The following CACNB4 variants were observed in gnomAD, a reference collection of about 807,000 sequenced individuals.
The protein encoded by CACNB4 is calcium voltage-gated channel auxiliary subunit beta 4.
CACNB4 carries 32 observed loss-of-function variants against 71.2 expected under a neutral mutation model. The observed-to-expected ratio is 0.45, with a 90% CI of 0.34 to 0.60. CACNB4 has a LOEUF of 0.60. Among genes scored for constraint, CACNB4 ranks in the 20% least tolerant of loss-of-function variants. The pLI, the probability that CACNB4 is intolerant of heterozygous loss-of-function variation, is 0.01. For missense variants in CACNB4, 464 were observed against 647.9 expected (o/e 0.72, Z 3.08); for synonymous variants, 231 against 236.9 (o/e 0.97, Z 0.23).
intron 2 of CACNB4, among the ~76,000 whole-genome samples, chr2:152,054,163 C>G (rs1685597771): frequency 6.6e-6 from 1 of 151,440 alleles, no homozygotes; most frequent in African/African-American, 2.4e-5. Context: ...GTCAGGAGAT[C>G]GAGACCATCC....
At chr2:151,857,253 C>A (rs1028023768) in intron 10 of CACNB4, 1 of 152,086 alleles carries the variant, frequency 6.6e-6, no homozygotes, top group African/African-American at 2.4e-5. Context: ...TCTTATTTCC[C>A]ATAGAATCAC....
intron 2 of CACNB4, among the ~76,000 whole-genome samples, chr2:151,946,030 A>T (rs954230601): frequency 2.8e-4 from 43 of 152,120 alleles, no homozygotes; most frequent in Admixed American, 6.5e-4. Context: ...TTATTATTAT[A>T]ATAAAATGCC....
At chr2:151,974,008 G>A (rs970579759) in intron 2 of CACNB4, 24 of 1,147,062 alleles carry the variant, frequency 2.1e-5, no homozygotes, top group African/African-American at 2.1e-4. Context: ...TGATTGGCTC[G>A]GCTTCCCTGC....
chr2:151,876,747 ATGTATATGTGTG>A (rs376504205), intron 4 of CACNB4, among the ~76,000 whole-genome samples, 191 bp from the exon 5 acceptor site: 168 of 143,160 alleles, frequency 1.2e-3, no homozygotes, highest in Middle Eastern at 3.6e-3. Flanking sequence ...TATATTTTAT[ATGTATATGTGTG>A]TATACTATAT....
intron 2 of CACNB4, among the ~76,000 whole-genome samples, chr2:151,889,738 G>C (rs1196624366): frequency 6.6e-6 from 1 of 152,116 alleles, no homozygotes; most frequent in Non-Finnish European, 1.5e-5. Context: ...TCTTGCAAAT[G>C]TGCTTCCTTT....
intron 2 of CACNB4, among the ~76,000 whole-genome samples, chr2:151,997,411 C>G (rs866668788): frequency 6.6e-6 from 1 of 152,024 alleles, no homozygotes; most frequent in Non-Finnish European, 1.5e-5. Context: ...GCGGGCGCCT[C>G]TAGTCCCAGC....
chr2:152,013,117 T>C (rs1444093644), intron 2 of CACNB4, among the ~76,000 whole-genome samples: 1 of 152,242 alleles, frequency 6.6e-6, no homozygotes, highest in African/African-American at 2.4e-5. Flanking sequence ...AGCAACAGGC[T>C]ATACCACATA....
intron 2 of CACNB4, among the ~76,000 whole-genome samples, chr2:151,957,257 C>CGTGTGTGTGTAT (rs2099868509): frequency 1.5e-5 from 2 of 131,788 alleles, no homozygotes; most frequent in African/African-American, 5.5e-5. Context: ...AGTGGCTGGG[C>CGTGTGTGTGTAT]GTGTGTGTGT....
At chr2:151,992,782 C>T (rs1333422160) in intron 2 of CACNB4, among the ~76,000 whole-genome samples, 1 of 152,200 alleles carries the variant, frequency 6.6e-6, no homozygotes, top group Non-Finnish European at 1.5e-5. Context: ...CCTAGAGAAA[C>T]TTGATGCTAT....
At chr2:151,989,784 T>C (rs1681588424) in intron 2 of CACNB4, among the ~76,000 whole-genome samples, 1 of 152,210 alleles carries the variant, frequency 6.6e-6, no homozygotes, top group Admixed American at 6.5e-5. Context: ...ACATGTGCAA[T>C]AGTGAACTCA....
chr2:151,911,584 T>G (rs1578756313), intron 2 of CACNB4, among the ~76,000 whole-genome samples: 2 of 152,214 alleles, frequency 1.3e-5, no homozygotes, highest in Admixed American at 6.5e-5. Context: ...TGCCAGTATT[T>G]TATTGAGGAT....
intron 2 of CACNB4, among the ~76,000 whole-genome samples, chr2:152,090,714 C>T (rs764525541): frequency 2.6e-5 from 4 of 151,224 alleles, no homozygotes; most frequent in Non-Finnish European, 5.9e-5. Context: ...TAAAATTGTA[C>T]CATTCTAAAA....
intron 2 of CACNB4, among the ~76,000 whole-genome samples, chr2:152,038,313 C>T (rs967848895): frequency 5.3e-5 from 8 of 152,174 alleles, no homozygotes; most frequent in Admixed American, 1.3e-4. Flanking sequence ...ACGCAACAGC[C>T]CTCCCCGGCC....
intron 2 of CACNB4, among the ~76,000 whole-genome samples, chr2:151,917,352 A>G (rs1160166020): frequency 6.6e-6 from 1 of 152,206 alleles, no homozygotes; most frequent in East Asian, 1.9e-4. Context: ...TAAGGAATAG[A>G]AAACAAACAC....
chr2:151,910,476 T>C (rs2099855914), intron 2 of CACNB4, among the ~76,000 whole-genome samples: 1 of 152,218 alleles, frequency 6.6e-6, no homozygotes, highest in Admixed American at 6.5e-5. Context: ...AGTTAATTTT[T>C]GTGTAAGGCA....
At chr2:151,870,956 C>G (rs1185640495) in intron 6 of CACNB4, 95 bp from the exon 7 acceptor site, 1 of 865,230 alleles carries the variant, frequency 1.2e-6, no homozygotes, top group African/African-American at 1.7e-5. Flanking sequence ...CCATTTGTCC[C>G]TGTAATTATC....
intron 6 of CACNB4, chr2:151,872,074 T>A: frequency 3.7e-6 from 1 of 270,784 alleles, no homozygotes; most frequent in South Asian, 3.6e-5. Flanking sequence ...AGAGTCTGCA[T>A]CATTTTTTTC....
intron 9 of CACNB4, chr2:151,868,138 C>A (rs930809910): frequency 6.6e-6 from 1 of 152,108 alleles, no homozygotes; most frequent in Admixed American, 6.6e-5. Flanking sequence ...AAAGCAATAC[C>A]ATGCTTGTTT....
chr2:151,921,319 G>T (rs2099858965), intron 2 of CACNB4, among the ~76,000 whole-genome samples: 1 of 151,816 alleles, frequency 6.6e-6, no homozygotes, highest in East Asian at 1.9e-4. Flanking sequence ...AATATCAAAT[G>T]GTGAATCTTG....
Sources: gnomAD v4.1 joint callset for allele counts (sites outside exome capture counted in the v4.1 genomes callset) on GRCh38, gnomAD v4.1.1 for gene constraint, MANE v1.5 for transcripts, NCBI Gene and HGNC (gene_info 2026-07-23, HGNC 2026-07-21) for gene names.